The following NACC2 variants were observed in gnomAD, a reference collection of about 807,000 sequenced individuals.
NACC2 encodes nucleus accumbens-associated protein 2.
In NACC2, 8 loss-of-function variants were observed where a neutral mutation model predicts 25.1. The ratio of observed to expected loss-of-function variants is 0.32; its 90% CI spans 0.19 to 0.57. The LOEUF (loss-of-function observed/expected upper bound fraction) is 0.57. Among genes scored for constraint, NACC2 ranks in the 20% least tolerant of loss-of-function variants. The pLI, the probability that NACC2 is intolerant of heterozygous loss-of-function variation, is 0.89. For synonymous variants in NACC2, 435 were observed against 294.7 expected, an observed-to-expected ratio of 1.48 and a Z score of -4.88; for missense variants, 644 against 650.2, an observed-to-expected ratio of 0.99 and a Z score of 0.10.
Position 136,013,165 on chromosome 9 carries a change from G to GCCCCCCCCCCCCCCGAGAC in NACC2, c.1255+33_1255+34insGTCTCGGGGGGGGGGGGGG. The GCCCCCCCCCCCCCCGAGAC allele has an allele frequency of 2.8e-6, 2 of 706,964 alleles. No individual in the cohort carries two copies. The highest frequency in any genetic ancestry group is 1.4e-5 in the South Asian group (1 of 71,744). The allele number at this position is 706,964 out of a possible 1,614,324, so 43.8% of individuals were successfully genotyped here. A position where few individuals can be genotyped will look rare whatever the true frequency, so the allele number is the denominator to read the frequency against. On this transcript the variant is annotated intron_variant, in intron 5 of 5. Transcript: ENST00000277554. This position sits in a 1 kb window ranked among gnomAD's most constrained non-coding sequence, Gnocchi z 6.6. ...AGGCTGGGATCTGAACCCAGCCCCG[G>GCCCCCCCCCCCCCCGAGAC]CCCCACCCACCCGAGAGACCCCCAG...
rs1840032117 is a variant in NACC2, at chr9:136,007,405, GTGCA to G, written c.*4107_*4110del. 1 of 68,568 alleles carries G rather than the reference GTGCA, an allele frequency of 1.5e-5. No individual in the cohort carries two copies. The highest frequency in any genetic ancestry group is 4.1e-5 in the Non-Finnish European group (1 of 24,658). 4.2% of individuals were successfully genotyped at this position (68,568 alleles called of 1,614,324 possible). Reference sequence around the variant, plus strand: ...CAGACACGCGTGCAGAGACACGCACGTGCACACAGACGCGCGTGCACACATACAC... The same window carrying G: ...CAGACACGCGTGCAGAGACACGCACGCACAGACGCGCGTGCACACATACAC... On this transcript the variant is annotated 3_prime_UTR_variant, in exon 6 of 6. Coordinates refer to ENST00000277554, the MANE Select transcript of NACC2 (RefSeq NM_144653.5).
chr9:136,041,088 GCAAA>G (rs1840622672), intron 2 of NACC2, among the ~76,000 whole-genome samples: 61 of 40,148 alleles, frequency 1.5e-3, no homozygotes, highest in Middle Eastern at 0.018. Flanking sequence ...AAGGAAGGAA[GCAAA>G]GGAAAGGAAA....
intron 1 of NACC2, among the ~76,000 whole-genome samples, chr9:136,061,924 A>G (rs1323033433): frequency 6.6e-6 from 1 of 152,190 alleles, no homozygotes; most frequent in Non-Finnish European, 1.5e-5. Flanking sequence ...GTTCGAGACT[A>G]GCCTGGCCAC....
rs373558694 is a variant in NACC2 at position 136,055,877 on chromosome 9, C to T, written c.-59-5297G>A. 6.6e-5 allele frequency among the ~76,000 whole-genome samples: 10 copies of T among 152,196 alleles called. No homozygotes were observed. The highest frequency in any genetic ancestry group is 5.8e-4 in the East Asian group (3 of 5,152). ...CATCTCCTAAAAGGTCAATCGAAGGCGCTCCTGGAGCGTGAGAAGGTGTGG... is the reference window on the plus strand; with the variant it reads ...CATCTCCTAAAAGGTCAATCGAAGGTGCTCCTGGAGCGTGAGAAGGTGTGG... On this transcript the variant is annotated intron_variant, in intron 1 of 5. Transcript: ENST00000277554. This position sits in a 1 kb window ranked among gnomAD's most constrained non-coding sequence, Gnocchi z 4.9.
Position 136,013,363 on chromosome 9 carries a change from C to CCGCA in NACC2, c.1158-71_1158-68dup. 6.8e-7 allele frequency: 1 copy of CCGCA among 1,460,160 alleles called. No individual in the cohort carries two copies. Among genetic ancestry groups the CCGCA allele is most frequent in the South Asian group, 1.2e-5 (1 of 83,562 alleles). The allele number at this position is 1,460,160 out of a possible 1,614,324, so 90.5% of individuals were successfully genotyped here. On this transcript the variant is annotated intron_variant, in intron 4 of 5. Coordinates refer to ENST00000277554, the MANE Select transcript of NACC2 (RefSeq NM_144653.5). This position sits in a 1 kb window ranked among gnomAD's most constrained non-coding sequence, Gnocchi z 6.6. ...GGGAGGGTACCTGGAGGCGACCCGC[C>CCGCA]CGCACGAATGCCCTGCTGGGAGGCC...
chr9:136,056,963 A>G (rs1312419766), intron 1 of NACC2, among the ~76,000 whole-genome samples: 2 of 152,202 alleles, frequency 1.3e-5, no homozygotes, highest in African/African-American at 4.8e-5. Flanking sequence ...GCCCACAGAT[A>G]GAGGGGATGA....
At chr9:136,021,257 G>A (rs1179399259) in intron 2 of NACC2, among the ~76,000 whole-genome samples, 1 of 152,198 alleles carries the variant, frequency 6.6e-6, no homozygotes, top group Non-Finnish European at 1.5e-5. Flanking sequence ...CTTACAGATG[G>A]AAATTAGCAC....
At chr9:136,063,918 T>G (rs1841047708) in intron 1 of NACC2, among the ~76,000 whole-genome samples, 1 of 151,470 alleles carries the variant, frequency 6.6e-6, no homozygotes, top group African/African-American at 2.4e-5. Context: ...AAAAATCACT[T>G]AAACAGCTGT....
At chr9:136,041,037 GAA>G (rs1840620174) in intron 2 of NACC2, among the ~76,000 whole-genome samples, 1 of 148,064 alleles carries the variant, frequency 6.8e-6, no homozygotes, top group African/African-American at 2.5e-5. Flanking sequence ...AAGAAGGAAA[GAA>G]AAGGAAGGAA....
rs950320766 is a variant in NACC2 at position 136,047,495 on chromosome 9, C to T, written c.886+2141G>A. ...GGCGGGAGCAGGCCTGGCCTCCCAG[C>T]CGCCCACTTTCCACCTCGCTGGCAT... On this transcript the variant is annotated intron_variant, in intron 2 of 5. Transcript: ENST00000277554. 4.6e-5 allele frequency among the ~76,000 whole-genome samples: 7 copies of T among 152,244 alleles called. No homozygotes were observed. The Middle Eastern group carries it at 0.01, about 222-fold the overall frequency.
intron 2 of NACC2, among the ~76,000 whole-genome samples, chr9:136,035,100 A>C (rs1463716991): frequency 6.6e-6 from 1 of 152,116 alleles, no homozygotes; most frequent in Non-Finnish European, 1.5e-5. Flanking sequence ...TCTCAAAAAC[A>C]AAACAAAAAC....
chr9:136,056,130 T>TG (rs1840921544), intron 1 of NACC2, among the ~76,000 whole-genome samples: 3 of 151,918 alleles, frequency 2.0e-5, no homozygotes, highest in African/African-American at 7.2e-5. Flanking sequence ...AGGTTAACCC[T>TG]GGGGGGTAGA....
chr9:136,062,163 AGGACAGGAC>A (rs1426207463), intron 1 of NACC2, among the ~76,000 whole-genome samples: 97 of 151,218 alleles, frequency 6.4e-4, no homozygotes, highest in African/African-American at 1.5e-3. Flanking sequence ...AGGACAGGAC[AGGACAGGAC>A]AGGAAAGGAA....
At chr9:136,074,470 A>ATTAGCCAGGCATGGTGGGACACACCT (rs1333195532) in intron 1 of NACC2, among the ~76,000 whole-genome samples, 2 of 37,050 alleles carry the variant, frequency 5.4e-5, no homozygotes, top group African/African-American at 1.1e-4. Context: ...AAAAGAAAAA[A>ATTAGCCAGGCATGGTGGGACACACCT]GAAGAAAAAG....
At chr9:136,083,535 A>G (rs1830347048) in intron 1 of NACC2, among the ~76,000 whole-genome samples, 1 of 152,236 alleles carries the variant, frequency 6.6e-6, no homozygotes. Context: ...AGCTTCCCAG[A>G]TTTAGGGCAG....
chr9:136,062,279 A>C (rs1365229814), intron 1 of NACC2, among the ~76,000 whole-genome samples: 1 of 152,230 alleles, frequency 6.6e-6, no homozygotes, highest in South Asian at 2.1e-4. Flanking sequence ...GGGACCACCC[A>C]GCAGTCACTC....
chr9:136,025,851 G>A (rs1564222302), intron 2 of NACC2, among the ~76,000 whole-genome samples: 1 of 152,090 alleles, frequency 6.6e-6, no homozygotes, highest in Non-Finnish European at 1.5e-5. Flanking sequence ...GGAGGCAGAG[G>A]TTGCAGTGAG....
intron 2 of NACC2, among the ~76,000 whole-genome samples, chr9:136,040,162 G>A (rs1840606803): frequency 6.6e-6 from 1 of 152,004 alleles, no homozygotes; most frequent in African/African-American, 2.4e-5. Flanking sequence ...TGGCTAACAT[G>A]GTGAAATCCT....
At chr9:136,059,356 T>G (rs7029928) in intron 1 of NACC2, among the ~76,000 whole-genome samples, 152,273 of 152,314 alleles carry the variant, frequency 1, 76,117 homozygotes, top group Non-Finnish European at 1. Flanking sequence ...CAGGGCCCTA[T>G]GACATGCCAG....
Sources: gnomAD v4.1 joint callset for allele counts (sites outside exome capture counted in the v4.1 genomes callset) on GRCh38, gnomAD v4.1.1 for gene constraint, Gnocchi (gnomAD v3.1) non-coding constraint, MANE v1.5 for transcripts, NCBI Gene and HGNC (gene_info 2026-07-23, HGNC 2026-07-21) for gene names.